The following NTRK2 variants were observed in gnomAD, a reference collection of about 807,000 sequenced individuals.
NTRK2 encodes the protein BDNF/NT-3 growth factors receptor.
Under a neutral mutation model 94.5 loss-of-function variants are expected in NTRK2, and 13 were observed. The ratio of observed to expected loss-of-function variants is 0.14; its 90% CI spans 0.09 to 0.22. The LOEUF is 0.22. Among genes scored for constraint, NTRK2 ranks in the 10% least tolerant of loss-of-function variants. The probability of loss-of-function intolerance (pLI) is 1.00; values close to 1 mark genes in which losing one functional copy is unlikely to be tolerated. For synonymous variants in NTRK2, 372 were observed against 407.4 expected (o/e 0.91, Z 1.05); for missense variants, 639 against 1,071.2 (o/e 0.60, Z 5.63).
chr9:84,777,602 T>C (rs762724325), intron 12 of NTRK2, among the ~76,000 whole-genome samples: 2 of 152,156 alleles, frequency 1.3e-5, no homozygotes, highest in Non-Finnish European at 2.9e-5. Flanking sequence ...CTGAGAAATG[T>C]TCAGGAACTA....
In NTRK2 at chr9:84,926,402, T is replaced by C. The variant is rs185926189; in HGVS notation, c.1634-7760T>C. On this transcript the variant is annotated intron_variant, in intron 14 of 18. Transcript: ENST00000277120. ...CATGTGCCACCATGCCCTGCTAATTTTGAATTTTTAATAGAGACTGGGTTT... is the reference window on the plus strand; with the variant it reads ...CATGTGCCACCATGCCCTGCTAATTCTGAATTTTTAATAGAGACTGGGTTT... Among the ~76,000 whole-genome samples, 159 of 151,944 alleles carry C rather than the reference T, an allele frequency of 1.0e-3. 1 individual carries two copies. Among genetic ancestry groups the C allele is most frequent in the Non-Finnish European group, 1.5e-3 (102 of 67,962 alleles).
chr9:85,011,551 G>A (rs1208556124), intron 17 of NTRK2, among the ~76,000 whole-genome samples: 1 of 152,132 alleles, frequency 6.6e-6, no homozygotes, highest in Non-Finnish European at 1.5e-5. Flanking sequence ...TCTCGCTCTC[G>A]CTCGCTGTGA....
At chr9:84,701,472 A>G (rs527748838) in intron 2 of NTRK2, among the ~76,000 whole-genome samples, 15 of 151,128 alleles carry the variant, frequency 9.9e-5, no homozygotes, top group South Asian at 2.1e-4. Context: ...AAGCCCACCA[A>G]TGTGGGCAAA....
chr9:85,008,445 A>T (rs1273916770), intron 17 of NTRK2, among the ~76,000 whole-genome samples: 1 of 152,156 alleles, frequency 6.6e-6, no homozygotes, highest in Non-Finnish European at 1.5e-5. Context: ...ATGGGGCATG[A>T]CTGTATAAAC....
In NTRK2 at chr9:84,886,043, A is replaced by T. The variant is rs74305443; in HGVS notation, c.1633+18612A>T. Among the ~76,000 whole-genome samples the T allele has an allele frequency of 4.7e-3, 709 of 152,220 alleles. 13 individuals carry two copies. The highest frequency in any genetic ancestry group is 0.038 in the Admixed American group (575 of 15,284). On this transcript the variant is annotated intron_variant, in intron 14 of 18. Transcript: ENST00000277120. ...AAGACTTCGTCTGAAAAAAAAAAAGAATTAGCTGAAAGAGAACTTTAGAGA... is the reference window on the plus strand; with the variant it reads ...AAGACTTCGTCTGAAAAAAAAAAAGTATTAGCTGAAAGAGAACTTTAGAGA...
At chr9:84,697,324 C>T (rs745369908) in intron 2 of NTRK2, among the ~76,000 whole-genome samples, 3 of 152,108 alleles carry the variant, frequency 2.0e-5, no homozygotes, top group Non-Finnish European at 4.4e-5. Flanking sequence ...GCTTGGAAGC[C>T]CCTGGGCCTA....
chr9:84,890,698 C>T (rs1027560238), intron 14 of NTRK2, among the ~76,000 whole-genome samples: 11 of 152,150 alleles, frequency 7.2e-5, no homozygotes, highest in Non-Finnish European at 1.5e-4. Context: ...TTAGCAATCC[C>T]CTTGGGATGA....
At chr9:84,876,458 C>G in intron 14 of NTRK2, 1 of 1,055,132 alleles carries the variant, frequency 9.5e-7, no homozygotes, top group Non-Finnish European at 1.1e-6. Context: ...TTTACTTTTG[C>G]AAGTCATTTG....
At chr9:84,832,618 T>C (rs1042367376) in intron 12 of NTRK2, among the ~76,000 whole-genome samples, 2 of 152,200 alleles carry the variant, frequency 1.3e-5, no homozygotes, top group African/African-American at 4.8e-5. Context: ...GTGATAAACA[T>C]GCATTAATGT....
Position 84,861,097 on chromosome 9 carries a change from T to C in NTRK2, c.1444+10T>C. The C allele has an allele frequency of 6.8e-6, 11 of 1,606,124 alleles. No individual in the cohort carries two copies. The highest frequency in any genetic ancestry group is 8.5e-6 in the Non-Finnish European group (10 of 1,172,990). ...TCAAGACAAGGTGTTGGTAAGTAGT[T>C]AACTCACTCCTTCTTTGGATAAGTA... On this transcript the variant is annotated intron_variant, in intron 13 of 18. Coordinates refer to ENST00000277120, the MANE Select transcript of NTRK2 (RefSeq NM_006180.6).
At chr9:84,953,578 G>A (rs1391676077) in intron 16 of NTRK2, among the ~76,000 whole-genome samples, 1 of 152,208 alleles carries the variant, frequency 6.6e-6, no homozygotes, top group Non-Finnish European at 1.5e-5. Flanking sequence ...AAGCCCTGGA[G>A]CATTTTCCCA....
chr9:84,897,717 C>T (rs2076801350), intron 14 of NTRK2, among the ~76,000 whole-genome samples: 1 of 152,216 alleles, frequency 6.6e-6, no homozygotes, highest in Admixed American at 6.5e-5. Context: ...CCTCCACACC[C>T]TCACAAACCA....
intron 14 of NTRK2, among the ~76,000 whole-genome samples, chr9:84,904,215 A>G (rs1211348456): frequency 6.6e-6 from 1 of 152,220 alleles, no homozygotes; most frequent in Admixed American, 6.5e-5. Flanking sequence ...AATCACATAC[A>G]ATGCTGTAAA....
chr9:84,676,914 C>T (rs898750671), intron 2 of NTRK2, among the ~76,000 whole-genome samples: 29 of 152,054 alleles, frequency 1.9e-4, no homozygotes, highest in African/African-American at 5.8e-4. Flanking sequence ...ATCATCTTAT[C>T]TTCATATAGG....
Position 84,861,070 on chromosome 9 carries a change from A to T in NTRK2, c.1427A>T (p.Lys476Ile), listed in dbSNP as rs1180366927. ...DFSWFGFGKV[K>I]SRQGVGPASV... ...TCATGGTTTGGATTTGGGAAAGTAA[A>T]ATCAAGACAAGGTGTTGGTAAGTAG... Residue 476 changes from lysine to isoleucine, a missense_variant, in exon 13 of 19, where the codon AAA (lysine) becomes ATA (isoleucine). By Grantham distance (102) the Lys-to-Ile change is moderately radical (BLOSUM62 -3). Transcript: ENST00000277120. 2 of 1,613,204 alleles carry T rather than the reference A, an allele frequency of 1.2e-6. No homozygotes were observed. Among genetic ancestry groups the T allele is most frequent in the Non-Finnish European group, 1.7e-6 (2 of 1,179,518 alleles).
chr9:84,728,086 C>T, intron 9 of NTRK2, 127 bp downstream of exon 9: 1 of 855,154 alleles, frequency 1.2e-6, no homozygotes, highest in African/African-American at 1.7e-5. Context: ...TAGTGTTGCT[C>T]ATGGATCCAT....
chr9:84,839,746 C>T (rs779621857), intron 12 of NTRK2, among the ~76,000 whole-genome samples: 4 of 152,180 alleles, frequency 2.6e-5, no homozygotes, highest in East Asian at 1.9e-4. Context: ...CTTTGCTGCC[C>T]GGGAGCTATG....
chr9:84,910,488 C>G (rs2077206322), intron 14 of NTRK2, among the ~76,000 whole-genome samples: 1 of 152,134 alleles, frequency 6.6e-6, no homozygotes, highest in African/African-American at 2.4e-5. Context: ...CCTGTCCCAT[C>G]TAAGGATGCT....
At chr9:84,922,757 T>C (rs1170283765) in intron 14 of NTRK2, among the ~76,000 whole-genome samples, 1 of 152,206 alleles carries the variant, frequency 6.6e-6, no homozygotes, top group Non-Finnish European at 1.5e-5. Context: ...TTCCCCTTCC[T>C]CTTACTCATC....
Sources: allele counts gnomAD v4.1 joint callset (sites outside exome capture counted in the v4.1 genomes callset), GRCh38; gene constraint gnomAD v4.1.1; transcripts MANE v1.5; gene names NCBI Gene and HGNC (gene_info 2026-07-23, HGNC 2026-07-21).